Variants in RANBP10 observed in about 807,000 individuals in gnomAD.
RANBP10 encodes the protein RAN binding protein 10.
A neutral mutation model predicts 72.8 loss-of-function variants in RANBP10; 24 were observed. That is an observed-to-expected ratio of 0.33 (90% confidence interval 0.24 to 0.46). The LOEUF (loss-of-function observed/expected upper bound fraction) is 0.46, where lower values mean the gene tolerates loss of function less well. Among genes scored for constraint, RANBP10 ranks in the 20% least tolerant of loss-of-function variants. The pLI is 1.00. For synonymous variants in RANBP10, 310 were observed against 322.3 expected, an observed-to-expected ratio of 0.96 and a Z score of 0.41; for missense variants, 679 against 817.5, an observed-to-expected ratio of 0.83 and a Z score of 2.07.
chr16:67,744,988 T>C (rs2054042483), intron 3 of RANBP10, among the ~76,000 whole-genome samples: 2 of 151,746 alleles, frequency 1.3e-5, no homozygotes, highest in Non-Finnish European at 2.9e-5. Context: ...AACGCCCGGC[T>C]AATTTTTTTT....
At chr16:67,762,625 A>T (rs1475613999) in intron 3 of RANBP10, 1 of 152,226 alleles carries the variant, frequency 6.6e-6, no homozygotes, top group Non-Finnish European at 1.5e-5. Flanking sequence ...TCCTCCAGGT[A>T]GAAAGTGGTA....
At chr16:67,761,040 G>A (rs535220483) in intron 3 of RANBP10, among the ~76,000 whole-genome samples, 1 of 152,352 alleles carries the variant, frequency 6.6e-6, no homozygotes, top group Non-Finnish European at 1.5e-5. Flanking sequence ...CGACACCAGG[G>A]TGGGGCTGCA....
chr16:67,795,733 T>C (rs947616058), intron 2 of RANBP10, among the ~76,000 whole-genome samples: 5 of 150,454 alleles, frequency 3.3e-5, no homozygotes, highest in South Asian at 4.2e-4. Context: ...CGGGCACCTG[T>C]AGTCCCAGCT....
chr16:67,741,176 G>A (rs919294456), intron 4 of RANBP10, among the ~76,000 whole-genome samples: 1 of 152,200 alleles, frequency 6.6e-6, no homozygotes, highest in African/African-American at 2.4e-5. Flanking sequence ...GCTACTTCAT[G>A]AACCCTAAGG....
At chr16:67,737,169 C>T (rs1025322430) in intron 5 of RANBP10, among the ~76,000 whole-genome samples, 1 of 134,420 alleles carries the variant, frequency 7.4e-6, no homozygotes, top group African/African-American at 2.9e-5. Flanking sequence ...TTGAACTAAG[C>T]AAGCAGAAAA....
At chr16:67,728,572 G>A (rs1418727680) in intron 10 of RANBP10, 61 bp from the exon 11 acceptor site, 2 of 1,611,500 alleles carry the variant, frequency 1.2e-6, no homozygotes, top group South Asian at 1.1e-5. Context: ...AGCCTGGTTG[G>A]GCCTCCTTTC....
At chr16:67,745,066 G>A (rs1332742097) in intron 3 of RANBP10, among the ~76,000 whole-genome samples, 2 of 150,702 alleles carry the variant, frequency 1.3e-5, no homozygotes, top group Admixed American at 6.6e-5. Flanking sequence ...TCCTGACCTC[G>A]TGATCCGCCC....
chr16:67,739,243 G>C (rs972420334), intron 4 of RANBP10, among the ~76,000 whole-genome samples: 1 of 152,204 alleles, frequency 6.6e-6, no homozygotes, highest in Non-Finnish European at 1.5e-5. Flanking sequence ...TGGGATTACA[G>C]GTGTGAGCTA....
intron 5 of RANBP10, 110 bp from the exon 6 acceptor site, chr16:67,735,152 G>T: frequency 8.7e-7 from 1 of 1,147,436 alleles, no homozygotes. Flanking sequence ...GAGAGTTGCA[G>T]CAAGGCTGGA....
intron 7 of RANBP10, 190 bp downstream of exon 7, chr16:67,731,282 C>T (rs2053724857): frequency 1.8e-6 from 1 of 555,456 alleles, no homozygotes; most frequent in African/African-American, 1.9e-5. Flanking sequence ...GAGACGTCTC[C>T]ATCCTGCCAA....
At chr16:67,774,380 C>CT (rs1567702221) in intron 2 of RANBP10, among the ~76,000 whole-genome samples, 1 of 152,232 alleles carries the variant, frequency 6.6e-6, no homozygotes, top group East Asian at 1.9e-4. Flanking sequence ...CCACAACATT[C>CT]TATGGGAATG....
chr16:67,758,462 G>A (rs1004064850), intron 3 of RANBP10, among the ~76,000 whole-genome samples: 6 of 152,274 alleles, frequency 3.9e-5, no homozygotes, highest in African/African-American at 1.4e-4. Context: ...TGCGTACATC[G>A]TTGGGTCCTG....
At chr16:67,781,901 A>C (rs1342673082) in intron 2 of RANBP10, among the ~76,000 whole-genome samples, 1 of 152,072 alleles carries the variant, frequency 6.6e-6, no homozygotes, top group East Asian at 1.9e-4. Flanking sequence ...AGGTGTCCAC[A>C]CTCACAAATC....
At chr16:67,784,105 A>G (rs1395323535) in intron 2 of RANBP10, among the ~76,000 whole-genome samples, 5 of 152,166 alleles carry the variant, frequency 3.3e-5, no homozygotes, top group Non-Finnish European at 5.9e-5. Flanking sequence ...ATATAGATGA[A>G]TATAGATGCA....
chr16:67,776,456 C>T (rs551608207), intron 2 of RANBP10, among the ~76,000 whole-genome samples: 2 of 106,072 alleles, frequency 1.9e-5, no homozygotes, highest in Non-Finnish European at 1.8e-5. Context: ...ACACGGACTC[C>T]ATCTCAAAAA....
At position 67,731,575 on chromosome 16, in the gene RANBP10, T is replaced by C; in HGVS notation, c.786A>G (p.Ser262=). ...AATACCCATGATGCACGAGGTAAGA[T>C]GAAACCATGCTAGAAGAAAGGAAGA... is the stretch of plus-strand genomic sequence containing the variant. ...EWQAVLQNMV[S]SYLVHHGYCA... is the part of the protein sequence containing the mutation. The change falls in exon 7 of 14, where the codon TCA becomes TCG. Residue 262 remains serine, a synonymous_variant. Coordinates refer to ENST00000317506, the MANE Select transcript of RANBP10 (RefSeq NM_020850.3). 6.2e-7 allele frequency: 1 copy of C among 1,613,592 alleles called. No individual in the cohort carries two copies. The highest frequency in any genetic ancestry group is 8.5e-7 in the Non-Finnish European group (1 of 1,179,646).
chr16:67,763,325 G>T (rs1005678250), intron 3 of RANBP10: 5 of 152,338 alleles, frequency 3.3e-5, no homozygotes, highest in African/African-American at 1.2e-4. Flanking sequence ...GGAGAGGGAG[G>T]ACATGAGATT....
Position 67,738,005 on chromosome 16 carries a change from G to C in RANBP10, c.591+8C>G. 1 of 1,587,166 alleles carries C rather than the reference G, an allele frequency of 6.3e-7. No individual in the cohort carries two copies. Among genetic ancestry groups the C allele is most frequent in the Non-Finnish European group, 8.6e-7 (1 of 1,165,432 alleles). On this transcript the variant is annotated splice_region_variant and intron_variant, in intron 5 of 13. Transcript: ENST00000317506. The stretch of plus-strand genomic sequence containing the variant: ...CCCAGGAGGGGAAGACTCAATAGTA[G>C]TACTCACCGGGAGGTCTGTGAAGGC...
At chr16:67,791,070 T>C (rs144429036) in intron 2 of RANBP10, among the ~76,000 whole-genome samples, 4,494 of 146,630 alleles carry the variant, frequency 0.031, 95 homozygotes, top group Middle Eastern at 0.17. Flanking sequence ...CTGGAGTGCA[T>C]TGGCGCAATC....
Sources: gnomAD v4.1 joint callset for allele counts (sites outside exome capture counted in the v4.1 genomes callset) on GRCh38, gnomAD v4.1.1 for gene constraint, MANE v1.5 for transcripts, NCBI Gene and HGNC (gene_info 2026-07-23, HGNC 2026-07-21) for gene names.